Variants in MLLT1 observed in about 807,000 individuals in gnomAD.
MLLT1 encodes MLLT1 super elongation complex subunit.
In MLLT1, 11 loss-of-function variants were observed where a neutral mutation model predicts 55.1. The ratio of observed to expected loss-of-function variants is 0.20; its 90% CI spans 0.13 to 0.33. The LOEUF (loss-of-function observed/expected upper bound fraction) is 0.33, where lower values mean the gene tolerates loss of function less well. MLLT1 is among the 10% of genes least tolerant of loss of function. The probability of loss-of-function intolerance (pLI) is 1.00; values close to 1 mark genes in which losing one functional copy is unlikely to be tolerated. For missense variants in MLLT1, 536 were observed against 760.6 expected (o/e 0.70, Z 3.47); for synonymous variants, 323 against 320.1 (o/e 1.01, Z -0.10).
chr19:6,258,712 G>A (rs1332386322), intron 3 of MLLT1, among the ~76,000 whole-genome samples: 1 of 152,220 alleles, frequency 6.6e-6, no homozygotes, highest in Non-Finnish European at 1.5e-5. Context: ...AAACCCTCAT[G>A]CTTATACAAG....
At chr19:6,274,800 G>A (rs1024408460) in intron 1 of MLLT1, among the ~76,000 whole-genome samples, 3 of 152,198 alleles carry the variant, frequency 2.0e-5, no homozygotes, top group South Asian at 2.1e-4. Context: ...GAAAGACAGC[G>A]GACGGAGGGA....
chr19:6,222,486 C>A lies in MLLT1; in HGVS notation c.745G>T (p.Ala249Ser), dbSNP rs749631022. 1.9e-6 allele frequency: 3 copies of A among 1,595,774 alleles called. No homozygotes were observed. The highest frequency in any genetic ancestry group is 2.5e-6 in the Non-Finnish European group (3 of 1,177,760). ...GCCATCTTGGGTTCCTTGAAGGCAGCCTTGGGCGGTGGCGCCTTCTCCTCC... is the reference window on the plus strand; with the variant it reads ...GCCATCTTGGGTTCCTTGAAGGCAGACTTGGGCGGTGGCGCCTTCTCCTCC... Reference protein sequence around the residue: ...PKEEKAPPPKAAFKEPKMALK... With the variant: ...PKEEKAPPPKSAFKEPKMALK... Residue 249 changes from alanine (A) to serine (S), a missense_variant, in exon 6 of 12, where the codon GCT becomes TCT. Coordinates refer to ENST00000252674, the MANE Select transcript of MLLT1 (RefSeq NM_005934.4). The surrounding 1 kb of genome is among the most constrained non-coding windows in gnomAD (Gnocchi z 4.1).
At chr19:6,228,611 C>T (rs1423188433) in intron 4 of MLLT1, among the ~76,000 whole-genome samples, 2 of 152,332 alleles carry the variant, frequency 1.3e-5, no homozygotes, top group East Asian at 1.9e-4. Context: ...GAGAAAGCAG[C>T]GCTCGCTGAC....
chr19:6,261,788 G>A (rs1012809236), intron 3 of MLLT1, among the ~76,000 whole-genome samples: 3 of 152,080 alleles, frequency 2.0e-5, no homozygotes, highest in Non-Finnish European at 2.9e-5. Flanking sequence ...AGCTTGCTTC[G>A]TTAATTCTGA....
chr19:6,247,290 A>G (rs2091177672), intron 3 of MLLT1, among the ~76,000 whole-genome samples: 1 of 152,198 alleles, frequency 6.6e-6, no homozygotes, highest in Non-Finnish European at 1.5e-5. Context: ...TGGCTTTTAA[A>G]TACCATTTTC....
intron 6 of MLLT1, among the ~76,000 whole-genome samples, chr19:6,220,667 C>T (rs745932880): frequency 3.3e-5 from 5 of 152,234 alleles, no homozygotes; most frequent in Non-Finnish European, 5.9e-5. Context: ...GCACACCCAG[C>T]CCCAGGTACC....
At chr19:6,213,672 T>TGCCCCCCCCCC in intron 10 of MLLT1, 54 bp downstream of exon 10, 1 of 1,075,346 alleles carries the variant, frequency 9.3e-7, no homozygotes, top group Non-Finnish European at 1.4e-6. Context: ...TGGCTGCAAC[T>TGCCCCCCCCCC]CCCACCACCC....
intron 1 of MLLT1, among the ~76,000 whole-genome samples, chr19:6,276,666 C>G (rs759990372): frequency 5.9e-5 from 9 of 152,136 alleles, no homozygotes; most frequent in African/African-American, 1.9e-4. Context: ...GTCCCCTCCC[C>G]CCGGCCCCAG....
chr19:6,248,127 A>T (rs1244785191), intron 3 of MLLT1, among the ~76,000 whole-genome samples: 1 of 152,070 alleles, frequency 6.6e-6, no homozygotes, highest in East Asian at 1.9e-4. Context: ...ACCTCAGGTG[A>T]TTCACTCGCC....
At chr19:6,223,359 A>G (rs2090922937) in intron 5 of MLLT1, among the ~76,000 whole-genome samples, 1 of 152,134 alleles carries the variant, frequency 6.6e-6, no homozygotes, top group African/African-American at 2.4e-5. Flanking sequence ...TCGCTTTCCT[A>G]AAACACCGAG....
intron 7 of MLLT1, 141 bp from the exon 8 acceptor site, chr19:6,216,654 T>C: frequency 3.3e-6 from 2 of 612,696 alleles, no homozygotes; most frequent in South Asian, 2.0e-5. Flanking sequence ...TGGGGGTCCC[T>C]GTGCCCATCT....
intron 1 of MLLT1, among the ~76,000 whole-genome samples, chr19:6,279,452 G>A (rs985859172): frequency 2.6e-5 from 4 of 152,178 alleles, no homozygotes; most frequent in Admixed American, 2.0e-4. Flanking sequence ...GTCCCCAGGG[G>A]CGTCCCAGGT....
intron 3 of MLLT1, among the ~76,000 whole-genome samples, chr19:6,242,730 C>CA (rs1265092554): frequency 6.6e-6 from 1 of 152,166 alleles, no homozygotes; most frequent in Non-Finnish European, 1.5e-5. Context: ...CAAACAGCCA[C>CA]ACTCCCCTTT....
Position 6,229,464 on chromosome 19 carries a change from C to T in MLLT1, c.420+1106G>A, listed in dbSNP as rs2090985561. ...AGCCTGACACCCACAGCCACGGTGC[C>T]CCAAATCCACTCAGGAGGCGACCCA... is the stretch of plus-strand genomic sequence containing the variant. On this transcript the variant is annotated intron_variant, in intron 4 of 11. Coordinates refer to ENST00000252674, the MANE Select transcript of MLLT1 (RefSeq NM_005934.4). The surrounding 1 kb of genome is among the most constrained non-coding windows in gnomAD (Gnocchi z 5.2). Among the ~76,000 whole-genome samples the T allele has an allele frequency of 6.6e-6, 1 of 152,022 alleles. No individual in the cohort carries two copies. The highest frequency in any genetic ancestry group is 2.4e-5 in the African/African-American group (1 of 41,346).
rs1202546596 is a variant in MLLT1 at position 6,211,640 on chromosome 19, CAAGGACTTGA to C, written c.*1392_*1401del. 2.3e-5 allele frequency: 24 copies of C among 1,064,912 alleles called. No individual in the cohort carries two copies. The highest frequency in any genetic ancestry group is 1.0e-4 in the East Asian group (2 of 20,040). The allele number at this position is 1,064,912 out of a possible 1,614,324, so 66.0% of individuals were successfully genotyped here. On this transcript the variant is annotated 3_prime_UTR_variant, in exon 12 of 12. Coordinates refer to ENST00000252674, the MANE Select transcript of MLLT1 (RefSeq NM_005934.4). The surrounding 1 kb of genome is among the most constrained non-coding windows in gnomAD (Gnocchi z 4.6). ...TTTTCCTCATAACTTGGTCAGGGCA[CAAGGACTTGA>C]AAGGACTTGAAAGTCAGGGGGTTGA...
At chr19:6,241,642 T>C (rs2091114065) in intron 3 of MLLT1, among the ~76,000 whole-genome samples, 1 of 152,176 alleles carries the variant, frequency 6.6e-6, no homozygotes, top group Admixed American at 6.5e-5. Flanking sequence ...CAGCACCTCC[T>C]CTCTCCCTGC....
chr19:6,242,144 A>C (rs2091120075), intron 3 of MLLT1, among the ~76,000 whole-genome samples: 1 of 152,176 alleles, frequency 6.6e-6, no homozygotes, highest in African/African-American at 2.4e-5. Context: ...TGCTCTCCCC[A>C]GTCTCAAACT....
At chr19:6,275,409 G>A (rs557129446) in intron 1 of MLLT1, among the ~76,000 whole-genome samples, 24 of 152,304 alleles carry the variant, frequency 1.6e-4, no homozygotes, top group African/African-American at 5.3e-4. Flanking sequence ...AAGAGGTGAC[G>A]AGGCTTGGGC....
intron 1 of MLLT1, among the ~76,000 whole-genome samples, chr19:6,275,315 GT>G: frequency 6.6e-6 from 1 of 152,284 alleles, no homozygotes; most frequent in South Asian, 2.1e-4. Flanking sequence ...CTGAGGAGTC[GT>G]TTCCCCCTTC....
Sources: allele counts gnomAD v4.1 joint callset (sites outside exome capture counted in the v4.1 genomes callset), GRCh38; gene constraint gnomAD v4.1.1; non-coding constraint Gnocchi (gnomAD v3.1); transcripts MANE v1.5; gene names NCBI Gene and HGNC (gene_info 2026-07-23, HGNC 2026-07-21).